Variants in NXPE2 observed in about 807,000 individuals in gnomAD.
NXPE2 encodes neurexophilin and PC-esterase domain family member 2.
Under a neutral mutation model 34.4 loss-of-function variants are expected in NXPE2, and 34 were observed. That is an observed-to-expected ratio of 0.99 (90% CI 0.75 to 1.31). The LOEUF (loss-of-function observed/expected upper bound fraction) is 1.31. NXPE2 is among the 40% of genes most tolerant of loss of function. NXPE2 has a pLI of 0.00. For missense variants in NXPE2, 649 were observed against 672.5 expected (o/e 0.97, Z 0.39); for synonymous variants, 235 against 231.3 (o/e 1.02, Z -0.15).
At chr11:114,644,173 T>G in the NXPE2 span, among the ~76,000 whole-genome samples, 1 of 152,304 alleles carries the variant, frequency 6.6e-6, no homozygotes, top group East Asian at 1.9e-4. Context: ...GATGGGGTTT[T>G]CTAAATATAC....
chr11:114,530,049 C>T, the NXPE2 span: 6 of 988,034 alleles, frequency 6.1e-6, no homozygotes, highest in African/African-American at 1.6e-5. Flanking sequence ...CCCAAGAAGA[C>T]ACCACATGTC....
At chr11:114,708,636 A>AAAAG (rs1555080864), downstream of NXPE2, among the ~76,000 whole-genome samples, 5 of 148,412 alleles carry the variant, frequency 3.4e-5, no homozygotes, top group African/African-American at 2.5e-5. Flanking sequence ...TCTCAAAAAA[A>AAAAG]AAAAGAAAAG....
chr11:114,562,554 T>A, the NXPE2 span, among the ~76,000 whole-genome samples: 1 of 152,240 alleles, frequency 6.6e-6, no homozygotes, highest in East Asian at 1.9e-4. Context: ...ATATCAAACA[T>A]AAATCCTGGG....
At chr11:114,680,176 T>G (rs1950925305) in intron 2 of NXPE2, among the ~76,000 whole-genome samples, 1 of 152,162 alleles carries the variant, frequency 6.6e-6, no homozygotes. Context: ...TTTGTAAGTT[T>G]TTCTTAACTC....
chr11:114,723,668 T>G, the NXPE2 span, among the ~76,000 whole-genome samples: 1 of 152,194 alleles, frequency 6.6e-6, no homozygotes, highest in Non-Finnish European at 1.5e-5. Context: ...GAAACCACTC[T>G]TTTGACTAGT....
chr11:114,626,854 G>A, the NXPE2 span, among the ~76,000 whole-genome samples: 1,331 of 152,008 alleles, frequency 8.8e-3, 19 homozygotes, highest in African/African-American at 0.031. Flanking sequence ...ACCAAGGCTC[G>A]AGAACTACGT....
intron 2 of NXPE2, among the ~76,000 whole-genome samples, chr11:114,695,871 A>C (rs1019852500): frequency 6.7e-6 from 1 of 150,100 alleles, no homozygotes; most frequent in African/African-American, 2.4e-5. Context: ...ACACACAATT[A>C]GCTGGGTGTG....
the NXPE2 span, among the ~76,000 whole-genome samples, chr11:114,591,355 A>C: frequency 8.5e-5 from 13 of 152,338 alleles, no homozygotes; most frequent in Admixed American, 6.5e-4. Context: ...TGAATCTACT[A>C]TAAATTACCA....
chr11:114,522,333 A>G, the NXPE2 span: 1 of 1,614,128 alleles, frequency 6.2e-7, no homozygotes, highest in Non-Finnish European at 8.5e-7. Flanking sequence ...TTGTCACCTG[A>G]TAGCCGGTCA....
chr11:114,726,966 TTCTC>T, the NXPE2 span, among the ~76,000 whole-genome samples: 1 of 115,342 alleles, frequency 8.7e-6, no homozygotes, highest in Non-Finnish European at 2.0e-5. Flanking sequence ...GACAGAAGCT[TTCTC>T]TTTCTTTCTG....
At chr11:114,652,429 C>G in the NXPE2 span, among the ~76,000 whole-genome samples, 1 of 152,166 alleles carries the variant, frequency 6.6e-6, no homozygotes, top group Non-Finnish European at 1.5e-5. Context: ...GATTCCAACA[C>G]TTTCAGGATT....
At chr11:114,651,448 G>T in the NXPE2 span, among the ~76,000 whole-genome samples, 2 of 152,170 alleles carry the variant, frequency 1.3e-5, no homozygotes, top group East Asian at 1.9e-4. Flanking sequence ...GCTCATAAAG[G>T]TAGTGTGGAC....
At position 114,704,483 on chromosome 11, in the gene NXPE2, A is replaced by C. The variant is rs78463611; in HGVS notation, c.928+431A>C. Among the ~76,000 whole-genome samples the C allele has an allele frequency of 8.4e-3, 1,275 of 152,318 alleles. 19 individuals are homozygous for C. Among genetic ancestry groups the C allele is most frequent in the African/African-American group, 0.029 (1,193 of 41,558 alleles). ...TCTTACTTGAAGTTCTATGAACTAGAATTTCTGTGAATTTTTTCTCAGTTT... is the reference window on the plus strand; with the variant it reads ...TCTTACTTGAAGTTCTATGAACTAGCATTTCTGTGAATTTTTTCTCAGTTT... On this transcript the variant is annotated intron_variant, in intron 4 of 5. Coordinates refer to ENST00000389586, the MANE Select transcript of NXPE2 (RefSeq NM_182495.6).
At chr11:114,631,223 CAT>C in the NXPE2 span, among the ~76,000 whole-genome samples, 1 of 151,980 alleles carries the variant, frequency 6.6e-6, no homozygotes, top group East Asian at 1.9e-4. Flanking sequence ...CACATGCACA[CAT>C]ATGTTTATTG....
At chr11:114,663,708 A>ATCTATCTG in the NXPE2 span, among the ~76,000 whole-genome samples, 1 of 150,896 alleles carries the variant, frequency 6.6e-6, no homozygotes, top group Non-Finnish European at 1.5e-5. Flanking sequence ...CTATCTATCT[A>ATCTATCTG]TCTATCTGAT....
chr11:114,730,896 C>T, the NXPE2 span, among the ~76,000 whole-genome samples: 2 of 152,206 alleles, frequency 1.3e-5, no homozygotes, highest in South Asian at 2.1e-4. Flanking sequence ...ATTTCTCTTG[C>T]CTGGTTGCTC....
the NXPE2 span, among the ~76,000 whole-genome samples, chr11:114,667,279 CAG>C: frequency 1.8e-4 from 28 of 152,168 alleles, 1 homozygote; most frequent in South Asian, 5.6e-3. Context: ...GAAAGAGTAA[CAG>C]AGTGAATTTT....
the NXPE2 span, among the ~76,000 whole-genome samples, chr11:114,473,440 A>C: frequency 6.6e-6 from 1 of 152,194 alleles, no homozygotes; most frequent in Non-Finnish European, 1.5e-5. Flanking sequence ...AAAAAATTGG[A>C]ATTTACTTTT....
upstream of NXPE2, among the ~76,000 whole-genome samples, chr11:114,678,033 T>C (rs1188440036): frequency 6.6e-6 from 1 of 152,118 alleles, no homozygotes; most frequent in Non-Finnish European, 1.5e-5. Context: ...TGAATTTAAA[T>C]CATCGCTGTG....
Sources: gnomAD v4.1 joint callset for allele counts (sites outside exome capture counted in the v4.1 genomes callset) on GRCh38, gnomAD v4.1.1 for gene constraint, MANE v1.5 for transcripts, NCBI Gene and HGNC (gene_info 2026-07-23, HGNC 2026-07-21) for gene names.